PI4KB: variants seen among roughly 807,000 people sequenced by gnomAD.
The protein encoded by PI4KB is PtdIns 4-kinase beta.
In PI4KB, 23 loss-of-function variants were observed where a neutral mutation model predicts 81.4. That is an observed-to-expected ratio of 0.28 (90% CI 0.20 to 0.40). The LOEUF is 0.40. PI4KB is among the 10% of genes least tolerant of loss of function. PI4KB has a pLI of 1.00. For synonymous variants in PI4KB, 381 were observed against 406.8 expected, an observed-to-expected ratio of 0.94 and a Z score of 0.76; for missense variants, 651 against 1,036.6, an observed-to-expected ratio of 0.63 and a Z score of 5.11.
At chr1:151,326,918 G>A (rs539043033) in intron 1 of PI4KB, among the ~76,000 whole-genome samples, 6 of 152,286 alleles carry the variant, frequency 3.9e-5, no homozygotes, top group African/African-American at 9.6e-5. Flanking sequence ...TTTGGGGCAG[G>A]GGCAGAGACG....
intron 2 of PI4KB, among the ~76,000 whole-genome samples, chr1:151,314,289 C>T (rs1647575541): frequency 6.6e-6 from 1 of 152,118 alleles, no homozygotes; most frequent in Admixed American, 6.5e-5. Flanking sequence ...CTTTTTTTCT[C>T]CCTCTTTTCT....
At position 151,292,754 on chromosome 1, in the gene PI4KB, G is replaced by A; in HGVS notation, c.*98C>T. 9.4e-7 allele frequency: 1 copy of A among 1,063,646 alleles called. No individual in the cohort carries two copies. The highest frequency in any genetic ancestry group is 1.4e-6 in the Non-Finnish European group (1 of 735,648). 65.9% of individuals were successfully genotyped at this position (1,063,646 alleles called of 1,614,324 possible). On this transcript the variant is annotated 3_prime_UTR_variant, in exon 12 of 12. Coordinates refer to ENST00000368873, the MANE Select transcript of PI4KB (RefSeq NM_001369623.2). ...GCCTTCCATTTCCCTTGGGTGGATG[G>A]TTGGGTAGGTGGGGTTTCCTGGTTT...
At chr1:151,306,691 GA>G (rs1695787493) in intron 4 of PI4KB, among the ~76,000 whole-genome samples, 1 of 152,214 alleles carries the variant, frequency 6.6e-6, no homozygotes, top group African/African-American at 2.4e-5. Context: ...TCGTCCTGAA[GA>G]CAGGGCCCAG....
intron 9 of PI4KB, among the ~76,000 whole-genome samples, chr1:151,296,747 G>A (rs946055857): frequency 2.6e-5 from 4 of 151,606 alleles, no homozygotes; most frequent in Non-Finnish European, 5.9e-5. Flanking sequence ...TGGGATTACA[G>A]GCGTGAGCCA....
chr1:151,324,235 A>C (rs1649296761), intron 1 of PI4KB, among the ~76,000 whole-genome samples: 1 of 152,178 alleles, frequency 6.6e-6, no homozygotes, highest in Non-Finnish European at 1.5e-5. Context: ...TGCTGGGATT[A>C]CGGGCATGAG....
rs758672973 is a variant in PI4KB, at chr1:151,316,496, T to C, written c.-15A>G. ...GTATCTCCCATGGCCACAGCCAGAC[T>C]TCGAGCTTCCAAGCTACAGGAAGAG... On this transcript the variant is annotated 5_prime_UTR_variant, in exon 2 of 12. Coordinates refer to ENST00000368873, the MANE Select transcript of PI4KB (RefSeq NM_001369623.2). The C allele has an allele frequency of 5.2e-5, 79 of 1,510,422 alleles. 2 individuals carry two copies. The South Asian group carries it at 1.0e-3, about 20-fold the overall frequency. 93.6% of individuals were successfully genotyped at this position (1,510,422 alleles called of 1,614,324 possible).
chr1:151,293,945 T>C, intron 11 of PI4KB, 73 bp downstream of exon 11: 1 of 1,572,680 alleles, frequency 6.4e-7, no homozygotes, highest in Non-Finnish European at 8.7e-7. Flanking sequence ...GGATCAGCTT[T>C]CTTATGCTCC....
At chr1:151,323,872 G>A (rs1013069783) in intron 1 of PI4KB, among the ~76,000 whole-genome samples, 2 of 151,762 alleles carry the variant, frequency 1.3e-5, no homozygotes, top group Non-Finnish European at 2.9e-5. Flanking sequence ...AGGGATGAAC[G>A]GAAACAGGAC....
intron 9 of PI4KB, among the ~76,000 whole-genome samples, chr1:151,296,617 C>T (rs965836346): frequency 6.7e-6 from 1 of 149,824 alleles, no homozygotes; most frequent in African/African-American, 2.5e-5. Flanking sequence ...AATACAGGCG[C>T]CCGCCACCAC....
intron 7 of PI4KB, 86 bp from the exon 8 acceptor site, chr1:151,302,053 C>T (rs1029905204): frequency 6.3e-6 from 10 of 1,595,862 alleles, no homozygotes; most frequent in Middle Eastern, 1.8e-4. Flanking sequence ...CCCAAGCAAA[C>T]GCCCCATAGG....
intron 1 of PI4KB, among the ~76,000 whole-genome samples, chr1:151,324,292 CA>C (rs1257811331): frequency 6.6e-6 from 1 of 152,160 alleles, no homozygotes; most frequent in African/African-American, 2.4e-5. Flanking sequence ...GGTTGCTCCT[CA>C]AAAGAGACTC....
intron 8 of PI4KB, 97 bp from the exon 9 acceptor site, chr1:151,299,170 G>A (rs992724034): frequency 1.1e-5 from 12 of 1,117,572 alleles, no homozygotes; most frequent in Non-Finnish European, 1.6e-5. Flanking sequence ...CTCCTTGGTA[G>A]CATTGAATTC....
Position 151,307,622 on chromosome 1 carries a change from C to G in PI4KB, c.1134G>C (p.Val378=). 1 of 1,614,106 alleles carries G rather than the reference C, an allele frequency of 6.2e-7. No individual in the cohort carries two copies. Among genetic ancestry groups the G allele is most frequent in the Non-Finnish European group, 8.5e-7 (1 of 1,180,020 alleles). ...CAGCCTGTGTGTGGGGTACACGGAC[C>G]ACGTGGTGGTCAAAGCCAGCAGTGG... ...WLPTAGFDHH[V]VRVPHTQAVV... is the part of the protein sequence containing the mutation. Residue 378 remains valine (V), a synonymous_variant, in exon 4 of 12, where the codon GTG becomes GTC. Coordinates refer to ENST00000368873, the MANE Select transcript of PI4KB (RefSeq NM_001369623.2).
chr1:151,292,413 C>A lies in PI4KB; in HGVS notation c.*439G>T, dbSNP rs919894468. Reference sequence around the variant, plus strand: ...GGGTAGAGCTGGGCAGCAGCATGGCCAGTGGCCAACCACAGGATCAAGTCC... The same window carrying A: ...GGGTAGAGCTGGGCAGCAGCATGGCAAGTGGCCAACCACAGGATCAAGTCC... On this transcript the variant is annotated 3_prime_UTR_variant, in exon 12 of 12. Coordinates refer to ENST00000368873, the MANE Select transcript of PI4KB (RefSeq NM_001369623.2). 1.3e-5 allele frequency: 2 copies of A among 157,420 alleles called. No homozygotes were observed. The highest frequency in any genetic ancestry group is 2.4e-5 in the African/African-American group (1 of 41,492). The allele number at this position is 157,420 out of a possible 1,614,324, so 9.8% of individuals were successfully genotyped here.
chr1:151,292,625 A>C lies in PI4KB; in HGVS notation c.*227T>G, dbSNP rs1694390498. ...GTCAGTCTGGTGGTAATACTGACAC[A>C]GACCAGGAGGGGCAGGGAAGCCCCA... On this transcript the variant is annotated 3_prime_UTR_variant, in exon 12 of 12. Coordinates refer to ENST00000368873, the MANE Select transcript of PI4KB (RefSeq NM_001369623.2). 3.6e-6 allele frequency: 2 copies of C among 562,738 alleles called. No homozygotes were observed. The highest frequency in any genetic ancestry group is 6.4e-6 in the Non-Finnish European group (2 of 314,814). 34.9% of individuals were successfully genotyped at this position (562,738 alleles called of 1,614,324 possible). A position where few individuals can be genotyped will look rare whatever the true frequency, so the allele number is the denominator to read the frequency against.
rs1305766213 is a variant in PI4KB, at chr1:151,299,080, G to A, written c.1750-7C>T. 1.2e-6 allele frequency: 2 copies of A among 1,612,668 alleles called. No homozygotes were observed. Among genetic ancestry groups the A allele is most frequent in the Admixed American group, 1.7e-5 (1 of 59,988 alleles). ...GCTCCTGTTCCCAAATGGACTGTGA[G>A]GAGACATGGAGGATACAGGACTCTT... On this transcript the variant is annotated splice_region_variant and splice_polypyrimidine_tract_variant and intron_variant, in intron 8 of 11. Coordinates refer to ENST00000368873, the MANE Select transcript of PI4KB (RefSeq NM_001369623.2).
intron 1 of PI4KB, among the ~76,000 whole-genome samples, chr1:151,325,869 C>A (rs566395776): frequency 1.3e-5 from 2 of 152,324 alleles, no homozygotes; most frequent in South Asian, 4.1e-4. Context: ...GCACTGATGC[C>A]TACAGAGAGT....
At chr1:151,308,478 G>A (rs1695967259) in intron 3 of PI4KB, among the ~76,000 whole-genome samples, 2 of 152,232 alleles carry the variant, frequency 1.3e-5, no homozygotes, top group Non-Finnish European at 2.9e-5. Context: ...GAAGGAGGTA[G>A]GTAGATGGAG....
chr1:151,319,293 CAAA>C (rs535069823), intron 1 of PI4KB, among the ~76,000 whole-genome samples: 2 of 109,792 alleles, frequency 1.8e-5, no homozygotes, highest in Admixed American at 1.9e-4. Context: ...GACTCTGTCT[CAAA>C]AAAAAAAAAA....
Sources: gnomAD v4.1 joint callset for allele counts (sites outside exome capture counted in the v4.1 genomes callset) on GRCh38, gnomAD v4.1.1 for gene constraint, MANE v1.5 for transcripts, NCBI Gene and HGNC (gene_info 2026-07-23, HGNC 2026-07-21) for gene names.